The following LRP12 variants were observed in gnomAD, a reference collection of about 807,000 sequenced individuals.
LRP12 encodes low-density lipoprotein receptor-related protein 12.
A neutral mutation model predicts 66.0 loss-of-function variants in LRP12; 14 were observed. That is an observed-to-expected ratio of 0.21 (90% CI 0.14 to 0.33). The LOEUF (loss-of-function observed/expected upper bound fraction) is 0.33, where lower values mean the gene tolerates loss of function less well. Among genes scored for constraint, LRP12 ranks in the 10% least tolerant of loss-of-function variants. The probability of loss-of-function intolerance (pLI) is 1.00; values close to 1 mark genes in which losing one functional copy is unlikely to be tolerated. For synonymous variants in LRP12, 357 were observed against 359.1 expected (o/e 0.99, Z 0.07); for missense variants, 889 against 1,053.4 (o/e 0.84, Z 2.16).
At chr8:104,578,065 G>T (rs1812192917) in intron 1 of LRP12, among the ~76,000 whole-genome samples, 2 of 150,624 alleles carry the variant, frequency 1.3e-5, no homozygotes, top group Admixed American at 6.6e-5. Context: ...TGAACTGAAG[G>T]AGACTGAGAT....
intron 1 of LRP12, among the ~76,000 whole-genome samples, chr8:104,558,953 A>G (rs1811857589): frequency 6.6e-6 from 1 of 152,192 alleles, no homozygotes; most frequent in Non-Finnish European, 1.5e-5. Context: ...AAATCATAAA[A>G]TAACAGATAT....
chr8:104,548,299 AT>A (rs1811649563), intron 1 of LRP12, among the ~76,000 whole-genome samples: 1 of 61,194 alleles, frequency 1.6e-5, no homozygotes, highest in Non-Finnish European at 2.5e-5. Context: ...ATATATTTAT[AT>A]AATATATATT....
At chr8:104,531,864 A>G (rs1196157634) in intron 2 of LRP12, 43 bp downstream of exon 2, 21 of 1,319,588 alleles carry the variant, frequency 1.6e-5, no homozygotes, top group African/African-American at 3.0e-5. Context: ...TATTTACCAT[A>G]TAAGTCATGC....
intron 1 of LRP12, among the ~76,000 whole-genome samples, chr8:104,549,353 C>T (rs1337758728): frequency 2.0e-5 from 3 of 151,804 alleles, no homozygotes; most frequent in Non-Finnish European, 2.9e-5. Flanking sequence ...ATACCAATGA[C>T]CTACTTAGAA....
rs1231672020 is a variant in LRP12 at position 104,548,332 on chromosome 8, TATATAAATATATA to T, written c.80-16382_80-16370del. On this transcript the variant is annotated intron_variant, in intron 1 of 6. Transcript: ENST00000276654. ...TATTATATAAATATATAATATATAT[TATATAAATATATA>T]AATATATAATATATATTATATAAAT... Among the ~76,000 whole-genome samples the T allele has an allele frequency of 3.2e-3, 32 of 9,864 alleles. 1 individual carries two copies. The highest frequency in any genetic ancestry group is 0.014 in the African/African-American group (30 of 2,100). The allele number at this position is 9,864 out of a possible 152,430, so 6.5% of individuals were successfully genotyped here.
intron 2 of LRP12, among the ~76,000 whole-genome samples, chr8:104,518,111 G>C (rs1042430843): frequency 2.6e-5 from 4 of 152,076 alleles, no homozygotes; most frequent in African/African-American, 4.8e-5. Flanking sequence ...ACATAGTGCT[G>C]AGGATGAGAT....
At chr8:104,554,578 A>C (rs551786611) in intron 1 of LRP12, among the ~76,000 whole-genome samples, 56 of 152,084 alleles carry the variant, frequency 3.7e-4, no homozygotes, top group Non-Finnish European at 7.2e-4. Context: ...TAAACAAGGA[A>C]AAAAGAATTA....
intron 1 of LRP12, among the ~76,000 whole-genome samples, chr8:104,577,629 TG>T (rs1346832038): frequency 6.6e-6 from 1 of 151,424 alleles, no homozygotes; most frequent in African/African-American, 2.4e-5. Context: ...GCTAACAAGG[TG>T]AAACCCTGTC....
chr8:104,567,891 C>T (rs1812029459), intron 1 of LRP12, among the ~76,000 whole-genome samples: 1 of 152,180 alleles, frequency 6.6e-6, no homozygotes, highest in African/African-American at 2.4e-5. Flanking sequence ...AAAATCCTAG[C>T]TACCTTCCCC....
intron 1 of LRP12, among the ~76,000 whole-genome samples, chr8:104,541,567 A>G (rs1811477144): frequency 6.6e-6 from 1 of 152,222 alleles, no homozygotes. Context: ...TAGTATATTC[A>G]GGAAGTTGTA....
chr8:104,568,335 A>T (rs1372458035), intron 1 of LRP12, among the ~76,000 whole-genome samples: 3 of 152,186 alleles, frequency 2.0e-5, no homozygotes, highest in Non-Finnish European at 4.4e-5. Context: ...TTAAAAAACC[A>T]CACCAGAGTA....
chr8:104,492,440 T>G (rs1445988197), intron 6 of LRP12, among the ~76,000 whole-genome samples: 2 of 152,170 alleles, frequency 1.3e-5, no homozygotes, highest in Non-Finnish European at 2.9e-5. Context: ...GTATTCAAAC[T>G]TGAAACAGCT....
intron 1 of LRP12, among the ~76,000 whole-genome samples, chr8:104,550,480 A>T (rs1242314235): frequency 6.6e-6 from 1 of 152,088 alleles, no homozygotes; most frequent in East Asian, 1.9e-4. Context: ...TGTCCTAGGT[A>T]TCTCAAACTA....
chr8:104,585,945 T>C (rs1372179566), intron 1 of LRP12, among the ~76,000 whole-genome samples: 1 of 152,204 alleles, frequency 6.6e-6, no homozygotes, highest in African/African-American at 2.4e-5. Context: ...GACATCCCTA[T>C]GTGAAAAATG....
Position 104,489,812 on chromosome 8 carries a change from C to T in LRP12, c.*861G>A, listed in dbSNP as rs190597674. ...ACCTTGATATAATTTTAGTGCAAAT[C>T]CCTAGGGTCCAATGCAAGCGCAACC... is the stretch of plus-strand genomic sequence containing the variant. On this transcript the variant is annotated 3_prime_UTR_variant, in exon 7 of 7. Coordinates refer to ENST00000276654, the MANE Select transcript of LRP12 (RefSeq NM_013437.5). The T allele has an allele frequency of 8.5e-5, 13 of 152,682 alleles. No homozygotes were observed. In the East Asian group the frequency reaches 2.5e-3, roughly 29 times the overall value. 9.5% of individuals were successfully genotyped at this position (152,682 alleles called of 1,614,324 possible). A position where few individuals can be genotyped will look rare whatever the true frequency, so the allele number is the denominator to read the frequency against.
At chr8:104,550,141 T>C (rs545685490) in intron 1 of LRP12, among the ~76,000 whole-genome samples, 1 of 152,284 alleles carries the variant, frequency 6.6e-6, no homozygotes, top group South Asian at 2.1e-4. Context: ...GTACTTTTCA[T>C]ACATCATTAC....
At chr8:104,516,860 G>C (rs924964481) in intron 2 of LRP12, among the ~76,000 whole-genome samples, 6 of 151,956 alleles carry the variant, frequency 3.9e-5, no homozygotes, top group African/African-American at 1.4e-4. Flanking sequence ...TTTACAATTA[G>C]AGCTGAACTA....
At chr8:104,511,196 A>G (rs970844609) in intron 2 of LRP12, among the ~76,000 whole-genome samples, 2 of 151,756 alleles carry the variant, frequency 1.3e-5, no homozygotes, top group African/African-American at 4.8e-5. Flanking sequence ...GGTGCACGCT[A>G]CCACACCCAG....
chr8:104,573,463 T>C (rs935146062), intron 1 of LRP12, among the ~76,000 whole-genome samples: 2 of 152,166 alleles, frequency 1.3e-5, no homozygotes, highest in Non-Finnish European at 2.9e-5. Flanking sequence ...TGAGGTCTCT[T>C]ACTGGCTTAC....
Sources: gnomAD v4.1 joint callset for allele counts (sites outside exome capture counted in the v4.1 genomes callset) on GRCh38, gnomAD v4.1.1 for gene constraint, MANE v1.5 for transcripts, NCBI Gene and HGNC (gene_info 2026-07-23, HGNC 2026-07-21) for gene names.